Variants in NPAS3 observed in about 807,000 individuals in gnomAD.
NPAS3 encodes neuronal PAS domain protein 3, also known as neuronal PAS domain-containing protein 3.
Under a neutral mutation model 73.1 loss-of-function variants are expected in NPAS3, and 14 were observed. That is an observed-to-expected ratio of 0.19 (90% CI 0.13 to 0.30). The LOEUF (loss-of-function observed/expected upper bound fraction) is 0.30. Among genes scored for constraint, NPAS3 ranks in the 10% least tolerant of loss-of-function variants. The pLI, the probability that NPAS3 is intolerant of heterozygous loss-of-function variation, is 1.00. For missense variants in NPAS3, 1,096 were observed against 1,250.0 expected, an observed-to-expected ratio of 0.88 and a Z score of 1.86; for synonymous variants, 620 against 541.5, an observed-to-expected ratio of 1.14 and a Z score of -2.01.
At chr14:33,683,882 T>A (rs2060011473) in intron 6 of NPAS3, among the ~76,000 whole-genome samples, 1 of 152,234 alleles carries the variant, frequency 6.6e-6, no homozygotes, top group African/African-American at 2.4e-5. Flanking sequence ...ATTCATATCC[T>A]CTTGGTGTAT....
chr14:33,161,874 G>T (rs73270577), intron 2 of NPAS3, among the ~76,000 whole-genome samples: 14,265 of 152,256 alleles, frequency 0.094, 740 homozygotes, highest in African/African-American at 0.14. Context: ...TACATAAGAC[G>T]TGGGAAATAG....
intron 4 of NPAS3, among the ~76,000 whole-genome samples, chr14:33,428,655 G>A (rs2139116257): frequency 6.6e-6 from 1 of 152,206 alleles, no homozygotes; most frequent in East Asian, 1.9e-4. Context: ...CAGGTGTTTA[G>A]ACTCACACTG....
chr14:33,067,213 C>G (rs560193334), intron 2 of NPAS3, among the ~76,000 whole-genome samples: 1 of 152,294 alleles, frequency 6.6e-6, no homozygotes, highest in African/African-American at 2.4e-5. Flanking sequence ...AACATCCATC[C>G]TCTATTTGAG....
Position 33,001,322 on chromosome 14 carries a change from C to T in NPAS3, c.51-54583C>T, listed in dbSNP as rs1409053666. Among the ~76,000 whole-genome samples, 4 of 152,136 alleles carry T rather than the reference C, an allele frequency of 2.6e-5. No homozygotes were observed. The East Asian group carries it at 5.8e-4, about 22-fold the overall frequency. ...TACTGACCAGAACTCAGTCTTGTGT[C>T]CCCACCTCCATGCAAGAGCCTGGGA... On this transcript the variant is annotated intron_variant, in intron 1 of 11. Coordinates refer to ENST00000356141, the Ensembl canonical transcript of NPAS3.
intron 2 of NPAS3, among the ~76,000 whole-genome samples, chr14:33,122,206 C>T (rs537462570): frequency 2.0e-5 from 3 of 152,242 alleles, no homozygotes; most frequent in East Asian, 1.9e-4. Context: ...TGTACATTTA[C>T]ACCCTGTTTG....
At chr14:32,937,480 C>T (rs1011419351), upstream of NPAS3, among the ~76,000 whole-genome samples, 1 of 152,052 alleles carries the variant, frequency 6.6e-6, no homozygotes, top group African/African-American at 2.4e-5. Flanking sequence ...CAACTTTTTC[C>T]CTTCTCTGCC....
At chr14:33,070,143 A>T (rs1010919410) in intron 2 of NPAS3, among the ~76,000 whole-genome samples, 2 of 152,256 alleles carry the variant, frequency 1.3e-5, no homozygotes, top group Non-Finnish European at 2.9e-5. Flanking sequence ...CTCCTAGTAC[A>T]TAAAAGCAAG....
intron 9 of NPAS3, among the ~76,000 whole-genome samples, chr14:33,781,211 T>C (rs766327367): frequency 3.9e-5 from 6 of 152,346 alleles, no homozygotes; most frequent in Admixed American, 6.5e-5. Flanking sequence ...GTGCTTAATA[T>C]CTTCAATCAC....
chr14:33,372,219 T>G (rs1168829890), intron 4 of NPAS3, among the ~76,000 whole-genome samples: 3 of 152,120 alleles, frequency 2.0e-5, no homozygotes, highest in African/African-American at 7.2e-5. Flanking sequence ...TGTGCCCCAG[T>G]GACGTTTCAC....
At chr14:33,077,071 AG>A (rs2041684024) in intron 2 of NPAS3, among the ~76,000 whole-genome samples, 1 of 152,160 alleles carries the variant, frequency 6.6e-6, no homozygotes, top group African/African-American at 2.4e-5. Flanking sequence ...AAACGGGCAA[AG>A]GTATGGGCCC....
intron 2 of NPAS3, among the ~76,000 whole-genome samples, chr14:33,198,541 C>G (rs887511337): frequency 3.3e-5 from 5 of 152,202 alleles, no homozygotes; most frequent in African/African-American, 1.2e-4. Context: ...AAACCTTGAG[C>G]TAGATACCAG....
intron 4 of NPAS3, among the ~76,000 whole-genome samples, chr14:33,436,527 G>A (rs1259935677): frequency 6.6e-6 from 1 of 152,112 alleles, no homozygotes; most frequent in Admixed American, 6.5e-5. Context: ...CCCCAAATCT[G>A]TTGTCTTTAT....
At chr14:33,119,037 C>A (rs961289078) in intron 2 of NPAS3, among the ~76,000 whole-genome samples, 3 of 151,882 alleles carry the variant, frequency 2.0e-5, no homozygotes, top group South Asian at 2.1e-4. Context: ...ACAAAAAGAA[C>A]ATTTTTTTTC....
intron 1 of NPAS3, among the ~76,000 whole-genome samples, chr14:32,946,404 G>A (rs2036263323): frequency 6.8e-6 from 1 of 146,232 alleles, no homozygotes; most frequent in South Asian, 2.2e-4. Flanking sequence ...CTTCAAGAAG[G>A]GAAAGTTAGC....
intron 3 of NPAS3, among the ~76,000 whole-genome samples, chr14:33,335,376 A>T (rs1282499337): frequency 6.6e-6 from 1 of 152,116 alleles, no homozygotes; most frequent in Non-Finnish European, 1.5e-5. Flanking sequence ...TCTTGGTAGT[A>T]ACTCTTCTCA....
intron 2 of NPAS3, among the ~76,000 whole-genome samples, chr14:33,204,259 A>G (rs1161887760): frequency 1.4e-4 from 21 of 152,158 alleles, no homozygotes; most frequent in Non-Finnish European, 1.9e-4. Context: ...TAAATCTTAC[A>G]TGGTAATCCG....
At chr14:32,957,791 C>G (rs1032999387) in intron 1 of NPAS3, among the ~76,000 whole-genome samples, 2 of 152,168 alleles carry the variant, frequency 1.3e-5, no homozygotes, top group Non-Finnish European at 1.5e-5. Context: ...TTTGGACTGA[C>G]TTCTGTCTCT....
intron 5 of NPAS3, 129 bp from the exon 6 acceptor site, chr14:33,676,082 G>C: frequency 2.3e-6 from 2 of 855,830 alleles, no homozygotes; most frequent in African/African-American, 1.8e-5. Context: ...GATGAAGACA[G>C]AACCAGGATT....
At chr14:33,450,765 C>T (rs918486349) in intron 4 of NPAS3, among the ~76,000 whole-genome samples, 5 of 152,152 alleles carry the variant, frequency 3.3e-5, no homozygotes, top group Middle Eastern at 3.4e-3. Context: ...TGGTTTTACT[C>T]GACTCTCTTC....
Sources: gnomAD v4.1 joint callset for allele counts (sites outside exome capture counted in the v4.1 genomes callset) on GRCh38, gnomAD v4.1.1 for gene constraint, MANE v1.5 for transcripts, NCBI Gene and HGNC (gene_info 2026-07-23, HGNC 2026-07-21) for gene names.